MCC: variants seen among roughly 807,000 people sequenced by gnomAD.
MCC encodes the protein MCC regulator of Wnt signaling pathway, also known as colorectal mutant cancer protein.
In MCC, 90 loss-of-function variants were observed where a neutral mutation model predicts 116.2. The observed-to-expected ratio is 0.77, with a 90% CI of 0.65 to 0.92. The LOEUF (loss-of-function observed/expected upper bound fraction) is 0.92, where lower values mean the gene tolerates loss of function less well. Among genes scored for constraint, MCC ranks in the 40% least tolerant of loss-of-function variants. The probability of loss-of-function intolerance (pLI) is 0.00; values close to 1 mark genes in which losing one functional copy is unlikely to be tolerated. For missense variants in MCC, 1,516 were observed against 1,312.2 expected (o/e 1.16, Z -2.40); for synonymous variants, 578 against 510.5 (o/e 1.13, Z -1.78).
rs141757363 is a variant in MCC at position 113,082,094 on chromosome 5, C to G, written c.1784+766G>C. ...GTTTTGCCCTGGTCATTCTCCTTTG[C>G]TTTGTTAGCAACTCCCTCATCACTG... On this transcript the variant is annotated intron_variant, in intron 11 of 18. Transcript: ENST00000408903. Among the ~76,000 whole-genome samples the G allele has an allele frequency of 4.1e-3, 620 of 152,334 alleles. 7 individuals are homozygous for G. The highest frequency in any genetic ancestry group is 0.014 in the African/African-American group (573 of 41,574).
chr5:113,119,449 G>A (rs1051514949), intron 6 of MCC, among the ~76,000 whole-genome samples: 3 of 152,192 alleles, frequency 2.0e-5, no homozygotes, highest in Non-Finnish European at 2.9e-5. Context: ...ACAGAGCCCC[G>A]GGCAGGAGAA....
At chr5:113,070,989 T>A (rs1334399336) in intron 12 of MCC, 105 bp downstream of exon 12, 1 of 1,340,286 alleles carries the variant, frequency 7.5e-7, no homozygotes, top group Non-Finnish European at 1.0e-6. Context: ...TGGTCCAAAC[T>A]GCCAGATATG....
At chr5:113,382,399 T>C (rs1173537040) in intron 2 of MCC, among the ~76,000 whole-genome samples, 1 of 151,726 alleles carries the variant, frequency 6.6e-6, no homozygotes, top group South Asian at 2.1e-4. Flanking sequence ...GCCTCCTGAG[T>C]AGCTAGGACA....
chr5:113,277,981 G>A lies in MCC; in HGVS notation c.627+62538C>T, dbSNP rs918902649. Among the ~76,000 whole-genome samples, 9 of 152,166 alleles carry A rather than the reference G, an allele frequency of 5.9e-5. No homozygotes were observed. The South Asian group carries it at 8.3e-4, about 14-fold the overall frequency. ...CAAATCTAGACTCATCATTCCTCAC[G>A]AACTGGATTTTACTAGGAGATCTCC... On this transcript the variant is annotated intron_variant, in intron 3 of 18. Coordinates refer to ENST00000408903, the MANE Select transcript of MCC (RefSeq NM_001085377.2).
At chr5:113,180,685 T>C (rs7712720) in intron 3 of MCC, among the ~76,000 whole-genome samples, 151,699 of 152,332 alleles carry the variant, frequency 1, 75,538 homozygotes, top group Middle Eastern at 1. Context: ...TATACATTTA[T>C]GTATATGTTA....
intron 3 of MCC, among the ~76,000 whole-genome samples, chr5:113,310,387 G>C (rs1026160209): frequency 6.6e-6 from 1 of 152,146 alleles, no homozygotes; most frequent in African/African-American, 2.4e-5. Flanking sequence ...TCCTTCTAGC[G>C]CCTTGCTTTT....
chr5:113,228,139 C>T (rs1428015254), intron 3 of MCC, among the ~76,000 whole-genome samples: 1 of 152,160 alleles, frequency 6.6e-6, no homozygotes, highest in East Asian at 1.9e-4. Context: ...CAGGAGAAAA[C>T]CCTTAAACAT....
chr5:113,476,025 T>C (rs528075229), intron 1 of MCC, among the ~76,000 whole-genome samples: 5 of 152,286 alleles, frequency 3.3e-5, no homozygotes, highest in South Asian at 2.1e-4. Flanking sequence ...TCCACTGATA[T>C]GTTGACTCAA....
chr5:113,193,864 G>GT (rs796908585), intron 3 of MCC, among the ~76,000 whole-genome samples: 33 of 151,772 alleles, frequency 2.2e-4, no homozygotes, highest in African/African-American at 5.6e-4. Flanking sequence ...CCTCTCATTT[G>GT]TTTTTTTTCT....
intron 17 of MCC, among the ~76,000 whole-genome samples, chr5:113,033,172 A>C (rs1049410800): frequency 6.6e-6 from 1 of 152,222 alleles, no homozygotes; most frequent in African/African-American, 2.4e-5. Context: ...GCATTACCAG[A>C]TATTTTCCCT....
chr5:113,159,266 A>C (rs1342374763), intron 3 of MCC, among the ~76,000 whole-genome samples: 2 of 152,146 alleles, frequency 1.3e-5, no homozygotes, highest in African/African-American at 4.8e-5. Flanking sequence ...GTTCTGCACT[A>C]TGGGCTTTGC....
At chr5:113,291,808 A>G (rs535880411) in intron 3 of MCC, among the ~76,000 whole-genome samples, 2 of 152,238 alleles carry the variant, frequency 1.3e-5, no homozygotes, top group Non-Finnish European at 2.9e-5. Flanking sequence ...ATCTAATGTG[A>G]GGAATACAAA....
At position 113,043,062 on chromosome 5, in the gene MCC, A is replaced by C. The variant is rs370712129; in HGVS notation, c.2756+468T>G. On this transcript the variant is annotated intron_variant, in intron 17 of 18. Transcript: ENST00000408903. Reference sequence around the variant, plus strand: ...ATCAGCATCTGTTTCTCCTTGCAGGAGGAGATAAAGAACTGGGGGGCGGTG... The same window carrying C: ...ATCAGCATCTGTTTCTCCTTGCAGGCGGAGATAAAGAACTGGGGGGCGGTG... 4.6e-5 allele frequency among the ~76,000 whole-genome samples: 7 copies of C among 152,294 alleles called. No homozygotes were observed. In the East Asian group the frequency reaches 9.6e-4, roughly 21 times the overall value.
intron 2 of MCC, among the ~76,000 whole-genome samples, chr5:113,367,686 T>G (rs1768736122): frequency 6.6e-6 from 1 of 150,406 alleles, no homozygotes; most frequent in Admixed American, 6.6e-5. Context: ...GAGAATCCCC[T>G]GACTGACTCT....
intron 11 of MCC, among the ~76,000 whole-genome samples, chr5:113,082,566 G>A (rs1000417247): frequency 1.2e-4 from 19 of 152,346 alleles, no homozygotes; most frequent in South Asian, 4.1e-4. Context: ...AGTGGGGTCC[G>A]TTGTTTAACA....
chr5:113,068,074 A>C lies in MCC; in HGVS notation c.2029+6T>G, dbSNP rs1753748203. 1 of 1,612,508 alleles carries C rather than the reference A, an allele frequency of 6.2e-7. No homozygotes were observed. The highest frequency in any genetic ancestry group is 1.3e-5 in the African/African-American group (1 of 75,042). Reference sequence around the variant, plus strand: ...GAGGAGGAAGAGGGACTCTGGAGACACTTACCAGGGGAGGACCCCACGCCC... The same window carrying C: ...GAGGAGGAAGAGGGACTCTGGAGACCCTTACCAGGGGAGGACCCCACGCCC... On this transcript the variant is annotated splice_donor_region_variant and intron_variant, in intron 13 of 18. Transcript: ENST00000408903.
chr5:113,370,072 A>T (rs1447210138), intron 2 of MCC, among the ~76,000 whole-genome samples: 1 of 152,232 alleles, frequency 6.6e-6, no homozygotes, highest in East Asian at 1.9e-4. Context: ...AACTTAGTCA[A>T]CATCAATGCA....
rs114165441 is a variant in MCC, at chr5:113,277,729, C to G, written c.627+62790G>C. Among the ~76,000 whole-genome samples, 435 of 152,068 alleles carry G rather than the reference C, an allele frequency of 2.9e-3. 4 individuals carry two copies. The highest frequency in any genetic ancestry group is 0.01 in the African/African-American group (417 of 41,350). On this transcript the variant is annotated intron_variant, in intron 3 of 18. Transcript: ENST00000408903. Reference sequence around the variant, plus strand: ...GAGTACAAACAGTACCAAATGGTTACTTCATACCACTCTTTATTTATGTGG... The same window carrying G: ...GAGTACAAACAGTACCAAATGGTTAGTTCATACCACTCTTTATTTATGTGG...
intron 3 of MCC, among the ~76,000 whole-genome samples, chr5:113,287,759 T>C (rs866700078): frequency 6.6e-6 from 1 of 152,216 alleles, no homozygotes; most frequent in South Asian, 2.1e-4. Context: ...CACTTGACTT[T>C]ATTTCCTGAG....
Sources: gnomAD v4.1 joint callset for allele counts (sites outside exome capture counted in the v4.1 genomes callset) on GRCh38, gnomAD v4.1.1 for gene constraint, MANE v1.5 for transcripts, NCBI Gene and HGNC (gene_info 2026-07-23, HGNC 2026-07-21) for gene names.